The following INPP5A variants were observed in gnomAD, a reference collection of about 807,000 sequenced individuals.
INPP5A encodes the protein 43 kDa inositol polyphosphate 5-phophatase.
INPP5A carries 14 observed loss-of-function variants against 65.2 expected under a neutral mutation model. The ratio of observed to expected loss-of-function variants is 0.21; its 90% confidence interval spans 0.14 to 0.34. INPP5A has a LOEUF of 0.34. Ranked by LOEUF, INPP5A falls within the 10% of genes least tolerant of loss-of-function variation. The pLI, the probability that INPP5A is intolerant of heterozygous loss-of-function variation, is 1.00. For missense variants in INPP5A, 431 were observed against 545.6 expected (o/e 0.79, Z 2.09); for synonymous variants, 207 against 208.3 (o/e 0.99, Z 0.05).
At chr10:132,660,867 A>G (rs1323638561) in intron 4 of INPP5A, among the ~76,000 whole-genome samples, 1 of 152,244 alleles carries the variant, frequency 6.6e-6, no homozygotes, top group Non-Finnish European at 1.5e-5. Context: ...GTAAATGCAC[A>G]GAGAGGACCA....
intron 2 of INPP5A, among the ~76,000 whole-genome samples, chr10:132,633,156 G>C (rs955183191): frequency 2.6e-5 from 4 of 152,112 alleles, no homozygotes; most frequent in African/African-American, 9.7e-5. Context: ...CTTTTGTGGT[G>C]GTGCTAGCCA....
intron 1 of INPP5A, among the ~76,000 whole-genome samples, chr10:132,554,878 T>C (rs2071106289): frequency 7.5e-6 from 1 of 133,984 alleles, no homozygotes; most frequent in African/African-American, 2.9e-5. Context: ...GTGGTTGGCA[T>C]TGATGTGGGT....
chr10:132,669,518 C>T (rs1385705829), intron 4 of INPP5A, among the ~76,000 whole-genome samples: 1 of 152,208 alleles, frequency 6.6e-6, no homozygotes, highest in African/African-American at 2.4e-5. Flanking sequence ...GAAACAGCTG[C>T]TCGAGGAGGC....
intron 11 of INPP5A, among the ~76,000 whole-genome samples, chr10:132,760,549 C>T (rs947227423): frequency 2.6e-5 from 4 of 152,238 alleles, no homozygotes; most frequent in African/African-American, 4.8e-5. Context: ...AATGCTGATC[C>T]GGGACAACTT....
At chr10:132,656,184 C>T (rs2072654576) in intron 4 of INPP5A, among the ~76,000 whole-genome samples, 1 of 152,210 alleles carries the variant, frequency 6.6e-6, no homozygotes, top group Non-Finnish European at 1.5e-5. Flanking sequence ...AGAGGAAAGA[C>T]CCTCTCTCCA....
rs1416645119 is a variant in INPP5A at position 132,762,519 on chromosome 10, C to T, written c.904-3254C>T. 6.6e-6 allele frequency among the ~76,000 whole-genome samples: 1 copy of T among 152,144 alleles called. No homozygotes were observed. Among genetic ancestry groups the T allele is most frequent in the African/African-American group, 2.4e-5 (1 of 41,430 alleles). On this transcript the variant is annotated intron_variant, in intron 11 of 15. Transcript: ENST00000368594. This position sits in a 1 kb window ranked among gnomAD's most constrained non-coding sequence, Gnocchi z 4.6. ...TCAGCAGCCAAGTCAGCCTTCAGAA[C>T]ACTGGCCACCATAAAGACAGTACCT...
intron 1 of INPP5A, among the ~76,000 whole-genome samples, chr10:132,601,430 T>C (rs560643650): frequency 2.0e-5 from 3 of 152,352 alleles, no homozygotes; most frequent in South Asian, 4.1e-4. Context: ...CTTGCAGATA[T>C]TCTCTTCCAT....
intron 5 of INPP5A, among the ~76,000 whole-genome samples, chr10:132,691,695 T>G (rs954042580): frequency 6.6e-6 from 1 of 152,212 alleles, no homozygotes; most frequent in East Asian, 1.9e-4. Flanking sequence ...GTGGCCAAAC[T>G]AACAAGAACA....
intron 1 of INPP5A, among the ~76,000 whole-genome samples, chr10:132,561,420 T>C (rs1442808886): frequency 6.6e-6 from 1 of 152,280 alleles, no homozygotes; most frequent in East Asian, 1.9e-4. Flanking sequence ...TGCATATCCA[T>C]ATCTGGTTGT....
intron 11 of INPP5A, among the ~76,000 whole-genome samples, chr10:132,750,230 C>A (rs1564998530): frequency 2.0e-5 from 3 of 152,260 alleles, no homozygotes; most frequent in Admixed American, 6.5e-5. Flanking sequence ...GTTCCTCACA[C>A]TCCTGTCGCT....
chr10:132,645,066 A>G (rs919887340), intron 2 of INPP5A, among the ~76,000 whole-genome samples: 1 of 152,218 alleles, frequency 6.6e-6, no homozygotes, highest in Non-Finnish European at 1.5e-5. Context: ...CAGGTCACAC[A>G]GGAAGCCGCA....
At chr10:132,573,289 GGT>G (rs2071372775) in intron 1 of INPP5A, among the ~76,000 whole-genome samples, 1 of 144,574 alleles carries the variant, frequency 6.9e-6, no homozygotes, top group South Asian at 2.3e-4. Flanking sequence ...TTGATGTTGG[GGT>G]GTGTGTGCTG....
intron 2 of INPP5A, among the ~76,000 whole-genome samples, chr10:132,640,710 C>G (rs915929417): frequency 1.3e-5 from 2 of 152,204 alleles, no homozygotes; most frequent in Non-Finnish European, 2.9e-5. Flanking sequence ...AAACCGGAGC[C>G]CCTGCTGATA....
rs938861688 is a variant in INPP5A, at chr10:132,678,309, G to A, written c.307-12083G>A. Among the ~76,000 whole-genome samples, 18 of 152,190 alleles carry A rather than the reference G, an allele frequency of 1.2e-4. No homozygotes were observed. The highest frequency in any genetic ancestry group is 3.6e-4 in the African/African-American group (15 of 41,440). ...TTATACAGGAAAAGATCAATGAAGC[G>A]CTACATTGATTTAAACAAAAGCTTT... On this transcript the variant is annotated intron_variant, in intron 4 of 15. Transcript: ENST00000368594. The surrounding 1 kb of genome is among the most constrained non-coding windows in gnomAD (Gnocchi z 4.1).
chr10:132,669,293 T>C (rs2072850702), intron 4 of INPP5A, among the ~76,000 whole-genome samples: 1 of 152,114 alleles, frequency 6.6e-6, no homozygotes, highest in Non-Finnish European at 1.5e-5. Context: ...CACCAGCTTG[T>C]GTGAAGCTGG....
chr10:132,647,123 T>C (rs2072508194), intron 3 of INPP5A, among the ~76,000 whole-genome samples: 1 of 151,932 alleles, frequency 6.6e-6, no homozygotes, highest in African/African-American at 2.4e-5. Flanking sequence ...TTCTTTTTTT[T>C]TTTTTGTTTT....
At chr10:132,598,946 A>G (rs994975560) in intron 1 of INPP5A, among the ~76,000 whole-genome samples, 3 of 152,202 alleles carry the variant, frequency 2.0e-5, no homozygotes, top group Admixed American at 6.5e-5. Context: ...GGAATAGCAC[A>G]GCAAAGACCA....
At position 132,550,721 on chromosome 10, in the gene INPP5A, G is replaced by T. The variant is rs1448102151; in HGVS notation, c.75+12550G>T. On this transcript the variant is annotated intron_variant, in intron 1 of 15. Coordinates refer to ENST00000368594, the MANE Select transcript of INPP5A (RefSeq NM_005539.5). This position sits in a 1 kb window ranked among gnomAD's most constrained non-coding sequence, Gnocchi z 4.2. ...TAAAACAAGTGGAAACACTAGTTTG[G>T]TCCCGCCTGACCTCATGGAAGACGG... Among the ~76,000 whole-genome samples, 1 of 152,234 alleles carries T rather than the reference G, an allele frequency of 6.6e-6. No homozygotes were observed. Among genetic ancestry groups the T allele is most frequent in the East Asian group, 1.9e-4 (1 of 5,200 alleles).
chr10:132,715,329 C>A (rs1409809368), intron 8 of INPP5A, among the ~76,000 whole-genome samples: 1 of 152,170 alleles, frequency 6.6e-6, no homozygotes, highest in Non-Finnish European at 1.5e-5. Flanking sequence ...ACCCCTTTGT[C>A]CCCCCATTAT....
Sources: gnomAD v4.1 joint callset for allele counts (sites outside exome capture counted in the v4.1 genomes callset) on GRCh38, gnomAD v4.1.1 for gene constraint, Gnocchi (gnomAD v3.1) non-coding constraint, MANE v1.5 for transcripts, NCBI Gene and HGNC (gene_info 2026-07-23, HGNC 2026-07-21) for gene names.